The following C16orf96 variants were observed in gnomAD, a reference collection of about 807,000 sequenced individuals.
C16orf96 encodes the protein uncharacterized protein C16orf96.
A neutral mutation model predicts 103.6 loss-of-function variants in C16orf96; 108 were observed. The observed-to-expected ratio is 1.04, with a 90% CI of 0.89 to 1.22. The LOEUF is 1.22. C16orf96 is among the 50% of genes most tolerant of loss of function. The pLI, the probability that C16orf96 is intolerant of heterozygous loss-of-function variation, is 0.00. For synonymous variants in C16orf96, 566 were observed against 593.5 expected (o/e 0.95, Z 0.67); for missense variants, 1,586 against 1,464.2 (o/e 1.08, Z -1.36).
At chr16:4,569,909 C>T (rs993248849) in intron 1 of C16orf96, among the ~76,000 whole-genome samples, 9 of 152,068 alleles carry the variant, frequency 5.9e-5, no homozygotes, top group Non-Finnish European at 1.3e-4. Flanking sequence ...GAAAGCGTGC[C>T]CATGGCCACT....
Position 4,587,104 on chromosome 16 carries a change from G to A in C16orf96, c.2418G>A (p.Glu806=), listed in dbSNP as rs1337874719. Residue 806 remains glutamate, a synonymous_variant, in exon 8 of 16, where the codon GAG becomes GAA. Coordinates refer to ENST00000444310, the MANE Select transcript of C16orf96 (RefSeq NM_001145011.2). ...NKVNKSTMEE[E]LREKADRSAL... is the part of the protein sequence containing the mutation. The stretch of plus-strand genomic sequence containing the variant: ...TGAATAAGAGCACGATGGAGGAGGA[G>A]CTGAGAGAGGTGAGTGAGCAGAGGT... 1.3e-6 allele frequency: 2 copies of A among 1,551,412 alleles called. No homozygotes were observed.
Position 4,593,756 on chromosome 16 carries a change from T to G in C16orf96, c.2867+440T>G, listed in dbSNP as rs181181956. Among the ~76,000 whole-genome samples, 2 of 152,200 alleles carry G rather than the reference T, an allele frequency of 1.3e-5. No homozygotes were observed. The highest frequency in any genetic ancestry group is 3.9e-4 in the East Asian group (2 of 5,160). ...CCTCACAGCTGCCCTCTAAGATGTA[T>G]CCTGGTACCATCCCATGTCACAGTT... On this transcript the variant is annotated intron_variant, in intron 12 of 15. Transcript: ENST00000444310. The surrounding 1 kb of genome is among the most constrained non-coding windows in gnomAD (Gnocchi z 4.2).
At chr16:4,588,040 A>G (rs765124855) in intron 8 of C16orf96, 127 bp from the exon 9 acceptor site, 19 of 933,484 alleles carry the variant, frequency 2.0e-5, no homozygotes, top group Non-Finnish European at 2.8e-5. Flanking sequence ...CCAGGGTTGC[A>G]TTTAAGCCAA....
At chr16:4,561,846 C>G (rs145416163) in intron 1 of C16orf96, among the ~76,000 whole-genome samples, 8 of 152,140 alleles carry the variant, frequency 5.3e-5, no homozygotes, top group Non-Finnish European at 1.0e-4. Context: ...TTACAATGTT[C>G]CTTTCGCGAG....
chr16:4,583,750 G>C (rs538544531), intron 7 of C16orf96, among the ~76,000 whole-genome samples: 2 of 151,294 alleles, frequency 1.3e-5, no homozygotes, highest in African/African-American at 4.9e-5. Flanking sequence ...TGGTGAAACC[G>C]TGTCTCTACT....
chr16:4,591,112 G>A (rs1301538317), intron 9 of C16orf96, among the ~76,000 whole-genome samples: 8 of 152,280 alleles, frequency 5.3e-5, no homozygotes, highest in Non-Finnish European at 1.0e-4. Flanking sequence ...GCTTGAACCC[G>A]GGAGGCGGAG....
chr16:4,572,548 G>A (rs779668800), intron 2 of C16orf96, among the ~76,000 whole-genome samples: 11 of 151,388 alleles, frequency 7.3e-5, no homozygotes, highest in South Asian at 2.1e-4. Context: ...TGATCCGCCC[G>A]CCTCAGCCTC....
chr16:4,556,707 C>G lies in C16orf96; in HGVS notation c.218C>G (p.Pro73Arg), dbSNP rs1188032967. The G allele has an allele frequency of 1.3e-6, 2 of 1,551,604 alleles. No homozygotes were observed. The highest frequency in any genetic ancestry group is 3.9e-5 in the Admixed American group (2 of 50,970). Residue 73 changes from proline (P) to arginine (R), a missense_variant, in exon 1 of 16, where the codon CCC (proline) becomes CGC (arginine). Physicochemically the swap from Pro to Arg is moderately radical, Grantham distance 103. Transcript: ENST00000444310. ...GGAGACGCCCAGCCTATCCTCAACCCCATGAAGAGGCTCAGCAATGTCTTC... is the reference window on the plus strand; with the variant it reads ...GGAGACGCCCAGCCTATCCTCAACCGCATGAAGAGGCTCAGCAATGTCTTC... ...REGDAQPILN[P>R]MKRLSNVFDH...
At chr16:4,547,528 G>A in the C16orf96 span, among the ~76,000 whole-genome samples, 5 of 152,120 alleles carry the variant, frequency 3.3e-5, no homozygotes, top group Non-Finnish European at 5.9e-5. Flanking sequence ...GGTTACCTAG[G>A]GCGTGGGGAG....
At position 4,578,951 on chromosome 16, in the gene C16orf96, G is replaced by A; in HGVS notation, c.2167G>A (p.Gly723Ser). 6.4e-7 allele frequency: 1 copy of A among 1,551,330 alleles called. No homozygotes were observed. The part of the protein sequence containing the change: ...QRLSYLANMG[G>S]PSSLGTTVDI... ...TCCTCTGCTTTCAGCCAATATGGGAGGTCCTTCCAGCCTCGGGACAACAGT... is the reference window on the plus strand; with the variant it reads ...TCCTCTGCTTTCAGCCAATATGGGAAGTCCTTCCAGCCTCGGGACAACAGT... Residue 723 changes from glycine (G) to serine (S), a missense_variant, in exon 6 of 16, where the codon GGT (glycine) becomes AGT (serine). Coordinates refer to ENST00000444310, the MANE Select transcript of C16orf96 (RefSeq NM_001145011.2).
At chr16:4,581,565 A>G (rs573474838) in intron 7 of C16orf96, among the ~76,000 whole-genome samples, 1 of 151,496 alleles carries the variant, frequency 6.6e-6, no homozygotes, top group African/African-American at 2.4e-5. Context: ...CCTGGGAGGC[A>G]GAGCTTGCAG....
chr16:4,547,676 C>CCTTG, the C16orf96 span, among the ~76,000 whole-genome samples: 144 of 103,298 alleles, frequency 1.4e-3, no homozygotes, highest in Middle Eastern at 0.018. Context: ...TTCCTTGCTT[C>CCTTG]CTTCCTTCCT....
At chr16:4,558,398 G>C (rs2059290478) in intron 1 of C16orf96, among the ~76,000 whole-genome samples, 1 of 152,170 alleles carries the variant, frequency 6.6e-6, no homozygotes, top group Non-Finnish European at 1.5e-5. Context: ...ATGATCACTT[G>C]AGCCCAGGAG....
At position 4,600,404 on chromosome 16, in the gene C16orf96, C is replaced by A; in HGVS notation, c.*87C>A. The A allele has an allele frequency of 1.0e-6, 1 of 967,272 alleles. No homozygotes were observed. Among genetic ancestry groups the A allele is most frequent in the Non-Finnish European group, 1.6e-6 (1 of 642,232 alleles). The allele number at this position is 967,272 out of a possible 1,614,324, so 59.9% of individuals were successfully genotyped here. ...TGGCCCTCCCACTCCCACCAAGTCC[C>A]CTCCACATCGGAGGCTGAGGCCTAT... On this transcript the variant is annotated 3_prime_UTR_variant, in exon 16 of 16. Transcript: ENST00000444310.
chr16:4,581,141 C>CATCT, intron 7 of C16orf96, among the ~76,000 whole-genome samples: 1 of 46,752 alleles, frequency 2.1e-5, no homozygotes, highest in Non-Finnish European at 4.6e-5. Context: ...TATATGTATA[C>CATCT]ATATATATAT....
At chr16:4,589,335 T>C (rs1897002974) in intron 9 of C16orf96, among the ~76,000 whole-genome samples, 1 of 151,916 alleles carries the variant, frequency 6.6e-6, no homozygotes, top group Admixed American at 6.6e-5. Flanking sequence ...TCCCAGTACT[T>C]TGGGAGGCCA....
rs769993177 is a variant in C16orf96, at chr16:4,580,006, C to A, written c.2242-9C>A. The A allele has an allele frequency of 8.2e-5, 127 of 1,548,086 alleles. No homozygotes were observed. Among genetic ancestry groups the A allele is most frequent in the Non-Finnish European group, 1.1e-4 (123 of 1,144,146 alleles). On this transcript the variant is annotated splice_polypyrimidine_tract_variant and intron_variant, in intron 6 of 15. Transcript: ENST00000444310. ...AGAGGCCTGGGGTGTCTGTGTCTCC[C>A]CCTTTTAGGAGGAAGAACTTGAGAG...
At chr16:4,587,152 T>C in intron 8 of C16orf96, 39 bp downstream of exon 8, 1 of 1,511,024 alleles carries the variant, frequency 6.6e-7, no homozygotes, top group South Asian at 1.2e-5. Flanking sequence ...CCTGCTCCCC[T>C]ACCCAGGGAA....
At chr16:4,553,991 C>G (rs572319298), upstream of C16orf96, among the ~76,000 whole-genome samples, 11 of 152,234 alleles carry the variant, frequency 7.2e-5, no homozygotes, top group African/African-American at 2.2e-4. Context: ...TGGCGCGGGA[C>G]CAGGAATGTG....
Sources: gnomAD v4.1 joint callset for allele counts (sites outside exome capture counted in the v4.1 genomes callset) on GRCh38, gnomAD v4.1.1 for gene constraint, Gnocchi (gnomAD v3.1) non-coding constraint, MANE v1.5 for transcripts, NCBI Gene and HGNC (gene_info 2026-07-23, HGNC 2026-07-21) for gene names.